The following WWOX variants were observed in gnomAD, a reference collection of about 807,000 sequenced individuals.
WWOX encodes the protein WW domain containing oxidoreductase, also known as WW domain-containing oxidoreductase.
A neutral mutation model predicts 46.2 loss-of-function variants in WWOX; 69 were observed. That is an observed-to-expected ratio of 1.49 (90% CI 1.23 to 1.82). The LOEUF is 1.82. Among genes scored for constraint, WWOX ranks in the 40% most tolerant of loss-of-function variants. WWOX has a pLI of 0.00. For synonymous variants in WWOX, 359 were observed against 202.6 expected, an observed-to-expected ratio of 1.77 and a Z score of -6.56; for missense variants, 919 against 542.6, an observed-to-expected ratio of 1.69 and a Z score of -6.89.
At chr16:79,057,252 A>G (rs1356853015) in intron 8 of WWOX, among the ~76,000 whole-genome samples, 3 of 152,192 alleles carry the variant, frequency 2.0e-5, no homozygotes, top group Admixed American at 6.5e-5. Flanking sequence ...CAGTCTTCCA[A>G]TGGCAAACTT....
chr16:78,632,282 G>C (rs1234758326), intron 8 of WWOX, among the ~76,000 whole-genome samples: 3 of 152,142 alleles, frequency 2.0e-5, no homozygotes, highest in Admixed American at 2.0e-4. Context: ...GGAGGGGAGT[G>C]AGGAATAAAT....
At chr16:78,882,107 C>A (rs1047138224) in intron 8 of WWOX, among the ~76,000 whole-genome samples, 1 of 152,144 alleles carries the variant, frequency 6.6e-6, no homozygotes, top group East Asian at 1.9e-4. Flanking sequence ...GCCTGGGTGA[C>A]AGAGCAAGAG....
intron 8 of WWOX, chr16:78,526,649 C>T (rs1035773338): frequency 1.3e-5 from 2 of 152,304 alleles, no homozygotes; most frequent in Admixed American, 6.5e-5. Flanking sequence ...CTCTCAGTCA[C>T]CAGCCCCAAA....
intron 8 of WWOX, among the ~76,000 whole-genome samples, chr16:78,458,486 C>T (rs994882141): frequency 3.4e-4 from 52 of 152,004 alleles, no homozygotes; most frequent in African/African-American, 1.2e-3. Flanking sequence ...GTCTGGAACT[C>T]CTGTGCTCAA....
chr16:79,123,194 C>T (rs1476087631), intron 8 of WWOX, among the ~76,000 whole-genome samples: 3 of 152,114 alleles, frequency 2.0e-5, no homozygotes, highest in East Asian at 1.9e-4. Context: ...CTGTGCTCAA[C>T]AGCCAGGCCA....
At chr16:79,200,847 G>A (rs542554475) in intron 8 of WWOX, among the ~76,000 whole-genome samples, 12 of 152,282 alleles carry the variant, frequency 7.9e-5, no homozygotes, top group East Asian at 5.8e-4. Context: ...GGTGACAGGC[G>A]AGTCTCTATA....
intron 8 of WWOX, chr16:79,017,042 G>T (rs2047428323): frequency 6.6e-6 from 1 of 152,092 alleles, no homozygotes; most frequent in South Asian, 2.1e-4. Flanking sequence ...AGAATAATAT[G>T]AGCACTGAGT....
At chr16:78,520,925 C>A (rs1335990615) in intron 8 of WWOX, among the ~76,000 whole-genome samples, 1 of 152,114 alleles carries the variant, frequency 6.6e-6, no homozygotes, top group African/African-American at 2.4e-5. Context: ...GACAAAAGAG[C>A]TCAAAATAGA....
At chr16:78,940,539 T>C (rs1597180623) in intron 8 of WWOX, among the ~76,000 whole-genome samples, 3 of 152,316 alleles carry the variant, frequency 2.0e-5, no homozygotes, top group Middle Eastern at 6.8e-3. Flanking sequence ...ACATCCCGTG[T>C]TCCATCTGCT....
chr16:78,546,975 A>C (rs2044048395), intron 8 of WWOX, among the ~76,000 whole-genome samples: 1 of 151,828 alleles, frequency 6.6e-6, no homozygotes, highest in Non-Finnish European at 1.5e-5. Flanking sequence ...AAAAATAGAA[A>C]AAATTAGCTG....
At chr16:79,082,400 A>C (rs2048776928) in intron 8 of WWOX, among the ~76,000 whole-genome samples, 1 of 152,116 alleles carries the variant, frequency 6.6e-6, no homozygotes, top group Non-Finnish European at 1.5e-5. Context: ...TATGAGAGTT[A>C]CATCAGGGGA....
intron 5 of WWOX, among the ~76,000 whole-genome samples, chr16:78,240,873 T>C (rs2037621226): frequency 2.0e-5 from 3 of 152,028 alleles, no homozygotes; most frequent in African/African-American, 7.2e-5. Flanking sequence ...CTGGTCATTC[T>C]CTCCAGAACA....
intron 8 of WWOX, among the ~76,000 whole-genome samples, chr16:78,781,774 C>G (rs1047172593): frequency 6.6e-6 from 1 of 152,088 alleles, no homozygotes; most frequent in Non-Finnish European, 1.5e-5. Context: ...GGCTCCATCT[C>G]AAATAAAATT....
At chr16:78,159,672 G>GTTTTTTTTTTTTTT (rs35468343) in intron 4 of WWOX, among the ~76,000 whole-genome samples, 2 of 55,380 alleles carry the variant, frequency 3.6e-5, no homozygotes, top group Non-Finnish European at 3.3e-5. Context: ...AAAATCTGTG[G>GTTTTTTTTTTTTTT]TTTTTTTTTT....
intron 8 of WWOX, among the ~76,000 whole-genome samples, chr16:78,594,794 T>C (rs2045447592): frequency 6.6e-6 from 1 of 152,200 alleles, no homozygotes; most frequent in Non-Finnish European, 1.5e-5. Context: ...GAAAACTCTA[T>C]AGCCTCAGTC....
At chr16:78,598,956 T>C (rs2045557679) in intron 8 of WWOX, among the ~76,000 whole-genome samples, 8 of 152,204 alleles carry the variant, frequency 5.3e-5, no homozygotes, top group Admixed American at 3.9e-4. Flanking sequence ...ACAGGAAGTT[T>C]CAGTGATGCA....
chr16:78,746,676 C>G (rs1412348519), intron 8 of WWOX, among the ~76,000 whole-genome samples: 1 of 151,760 alleles, frequency 6.6e-6, no homozygotes, highest in Admixed American at 6.6e-5. Context: ...GCTTTGTACT[C>G]CTGCATTTTT....
chr16:78,763,808 G>C (rs754077474), intron 8 of WWOX, among the ~76,000 whole-genome samples: 4 of 152,182 alleles, frequency 2.6e-5, no homozygotes, highest in Non-Finnish European at 4.4e-5. Context: ...CCTAGCCGAA[G>C]CATAATTGTC....
chr16:78,685,731 C>A (rs952542534), intron 8 of WWOX, among the ~76,000 whole-genome samples: 2 of 152,162 alleles, frequency 1.3e-5, no homozygotes, highest in Admixed American at 6.5e-5. Context: ...CCGACAGTTG[C>A]CCCTCATTTG....
Sources: gnomAD v4.1 joint callset for allele counts (sites outside exome capture counted in the v4.1 genomes callset) on GRCh38, gnomAD v4.1.1 for gene constraint, MANE v1.5 for transcripts, NCBI Gene and HGNC (gene_info 2026-07-23, HGNC 2026-07-21) for gene names.